CDC34: variants seen among roughly 807,000 people sequenced by gnomAD.
The protein encoded by CDC34 is cell division cycle 34, ubiquitin conjugating enzyme, also known as ubiquitin-conjugating enzyme E2 R1.
In CDC34, 18 loss-of-function variants were observed where a neutral mutation model predicts 26.8. The ratio of observed to expected loss-of-function variants is 0.67; its 90% confidence interval spans 0.47 to 1.00. The LOEUF (loss-of-function observed/expected upper bound fraction) is 1.00. Ranked by LOEUF, CDC34 falls within the 50% of genes least tolerant of loss-of-function variation. The pLI is 0.00. For synonymous variants in CDC34, 178 were observed against 147.5 expected (o/e 1.21, Z -1.50); for missense variants, 280 against 334.5 (o/e 0.84, Z 1.27).
At chr19:532,286 C>T (rs1043641764) in intron 1 of CDC34, among the ~76,000 whole-genome samples, 178 bp downstream of exon 1, 1 of 152,230 alleles carries the variant, frequency 6.6e-6, no homozygotes, top group Non-Finnish European at 1.5e-5. Context: ...CGGCCCCCTC[C>T]TCGGACCGTC....
At chr19:535,307 C>T (rs1359126795) in intron 1 of CDC34, among the ~76,000 whole-genome samples, 1 of 152,276 alleles carries the variant, frequency 6.6e-6, no homozygotes, top group Non-Finnish European at 1.5e-5. Context: ...GCCATACTGA[C>T]TCATCCCCTC....
At chr19:535,686 T>C in intron 1 of CDC34, 151 bp from the exon 2 acceptor site, 1 of 711,160 alleles carries the variant, frequency 1.4e-6, no homozygotes, top group Non-Finnish European at 2.5e-6. Flanking sequence ...ACCCCAGGCC[T>C]GTGAGAGTCC....
Position 541,711 on chromosome 19 carries a change from C to T in CDC34, c.*159C>T, listed in dbSNP as rs1980027189. 14 of 785,178 alleles carry T rather than the reference C, an allele frequency of 1.8e-5. No homozygotes were observed. The highest frequency in any genetic ancestry group is 4.8e-5 in the South Asian group (2 of 41,548). 48.6% of individuals were successfully genotyped at this position (785,178 alleles called of 1,614,324 possible). A position where few individuals can be genotyped will look rare whatever the true frequency, so the allele number is the denominator to read the frequency against. On this transcript the variant is annotated 3_prime_UTR_variant, in exon 5 of 5. Transcript: ENST00000215574. ...TCCCCATGTCTGTTCTGGGTTTTCA[C>T]GTGCTTCAGAGAAGAGGGGCTGCCC...
At chr19:533,967 C>A (rs958847863) in intron 1 of CDC34, among the ~76,000 whole-genome samples, 3 of 152,218 alleles carry the variant, frequency 2.0e-5, no homozygotes, top group Non-Finnish European at 2.9e-5. Context: ...AGCCCTGGGG[C>A]AGGGGCCGCC....
At chr19:532,466 C>T (rs1312457537) in intron 1 of CDC34, among the ~76,000 whole-genome samples, 1 of 152,208 alleles carries the variant, frequency 6.6e-6, no homozygotes, top group East Asian at 1.9e-4. Flanking sequence ...GGCTGGACCC[C>T]GGCTGCCTCC....
chr19:539,049 C>T, intron 4 of CDC34: 4 of 967,800 alleles, frequency 4.1e-6, no homozygotes, highest in Non-Finnish European at 4.9e-6. Flanking sequence ...CCCTGTGGGC[C>T]AACACACATG....
Position 535,839 on chromosome 19 carries a change from G to C in CDC34, c.180G>C (p.Ala60=), listed in dbSNP as rs16990554. ...NTYYEGGYFK[A]RLKFPIDYPY... ...CCACCTGCCTTCTGCCCCTGCAGGC[G>C]CGCCTCAAGTTCCCCATCGACTACC... is the stretch of plus-strand genomic sequence containing the variant. Residue 60 remains alanine (A), a splice_region_variant and synonymous_variant, in exon 2 of 5, where the codon GCG becomes GCC. Transcript: ENST00000215574. 6.2e-7 allele frequency: 1 copy of C among 1,613,370 alleles called. No homozygotes were observed. The highest frequency in any genetic ancestry group is 8.5e-7 in the Non-Finnish European group (1 of 1,179,708).
chr19:541,106 G>A, intron 4 of CDC34: 1 of 528,802 alleles, frequency 1.9e-6, no homozygotes, highest in Non-Finnish European at 3.3e-6. Flanking sequence ...GGGTGTGACT[G>A]CACTGCGCCC....
At chr19:541,223 C>A in intron 4 of CDC34, 116 bp from the exon 5 acceptor site, 2 of 1,333,422 alleles carry the variant, frequency 1.5e-6, no homozygotes, top group Non-Finnish European at 2.0e-6. Context: ...GGTCGCCACA[C>A]GCCGTTTTAA....
rs563053670 is a variant in CDC34, at chr19:540,864, A to G, written c.498-475A>G. Among the ~76,000 whole-genome samples the G allele has an allele frequency of 1.8e-3, 267 of 151,306 alleles. 1 individual carries two copies. Among genetic ancestry groups the G allele is most frequent in the South Asian group, 7.1e-3 (34 of 4,800 alleles). On this transcript the variant is annotated intron_variant, in intron 4 of 4. Transcript: ENST00000215574. Reference sequence around the variant, plus strand: ...CCGGGTTTAGAATCCTGCTGAGGCCACGGAGAGGCTCAGGCCGTTTTTGCG... The same window carrying G: ...CCGGGTTTAGAATCCTGCTGAGGCCGCGGAGAGGCTCAGGCCGTTTTTGCG...
Position 536,966 on chromosome 19 carries a change from G to A in CDC34, c.363-47G>A, listed in dbSNP as rs377498927. The A allele has an allele frequency of 2.2e-5, 35 of 1,611,708 alleles. No individual in the cohort carries two copies. The African/African-American group carries it at 4.0e-4, about 18-fold the overall frequency. On this transcript the variant is annotated intron_variant, in intron 3 of 4. Coordinates refer to ENST00000215574, the MANE Select transcript of CDC34 (RefSeq NM_004359.2). ...CCTCAGGGCCAGAGAAGAGCCGGAAGGCTGGGGTGCCCCGGGCCGCCCCAC... is the reference window on the plus strand; with the variant it reads ...CCTCAGGGCCAGAGAAGAGCCGGAAAGCTGGGGTGCCCCGGGCCGCCCCAC...
In CDC34 at chr19:537,651, C is replaced by CTTT. The variant is rs773623358; in HGVS notation, c.497+523_497+525dup. Reference sequence around the variant, plus strand: ...ACAGGCGTGAGCCACCGCGGCCGGCCTTTTTTTTTTTTTTTTTTTTTGGAG... The same window carrying CTTT: ...ACAGGCGTGAGCCACCGCGGCCGGCCTTTTTTTTTTTTTTTTTTTTTTTTGGAG... On this transcript the variant is annotated intron_variant, in intron 4 of 4. Coordinates refer to ENST00000215574, the MANE Select transcript of CDC34 (RefSeq NM_004359.2). 3.7e-3 allele frequency among the ~76,000 whole-genome samples: 250 copies of CTTT among 67,068 alleles called. 12 individuals are homozygous for CTTT. Among genetic ancestry groups the CTTT allele is most frequent in the East Asian group, 6.8e-3 (12 of 1,752 alleles). 44.0% of individuals were successfully genotyped at this position (67,068 alleles called of 152,430 possible).
chr19:536,402 A>T, intron 3 of CDC34, 62 bp downstream of exon 3: 1 of 1,272,830 alleles, frequency 7.9e-7, no homozygotes, highest in South Asian at 1.3e-5. Flanking sequence ...TCCGTCCCGT[A>T]TCCACCCAGA....
chr19:536,128 C>A, intron 2 of CDC34, 115 bp from the exon 3 acceptor site: 2 of 649,682 alleles, frequency 3.1e-6, no homozygotes, highest in East Asian at 6.0e-5. Context: ...TTCCGGGACC[C>A]GGGGCGCTGG....
At chr19:536,024 C>T in intron 2 of CDC34, 101 bp downstream of exon 2, 1 of 1,247,174 alleles carries the variant, frequency 8.0e-7, no homozygotes, top group Non-Finnish European at 1.2e-6. Context: ...CGCTGGGAGC[C>T]TCACGTCCTC....
intron 1 of CDC34, among the ~76,000 whole-genome samples, chr19:534,179 G>A (rs1979619451): frequency 6.6e-6 from 1 of 152,162 alleles, no homozygotes; most frequent in Non-Finnish European, 1.5e-5. Flanking sequence ...AGGCTTGGGG[G>A]GCCTGAAGTC....
At chr19:538,887 C>T in intron 4 of CDC34, 1 of 985,230 alleles carries the variant, frequency 1.0e-6, no homozygotes, top group Non-Finnish European at 1.2e-6. Flanking sequence ...CCCTCTGGTG[C>T]AGATGTCCTC....
intron 3 of CDC34, 42 bp downstream of exon 3, chr19:536,382 T>C: frequency 6.8e-7 from 1 of 1,461,870 alleles, no homozygotes; most frequent in South Asian, 1.2e-5. Flanking sequence ...GAACATCAGG[T>C]AGGCCGGGCT....
chr19:537,379 GTCTC>G (rs988146416), intron 4 of CDC34, among the ~76,000 whole-genome samples: 2 of 152,228 alleles, frequency 1.3e-5, no homozygotes, highest in African/African-American at 4.8e-5. Flanking sequence ...TTGAGACAGA[GTCTC>G]TCTCTGTCAC....
Sources: allele counts gnomAD v4.1 joint callset (sites outside exome capture counted in the v4.1 genomes callset), GRCh38; gene constraint gnomAD v4.1.1; transcripts MANE v1.5; gene names NCBI Gene and HGNC (gene_info 2026-07-23, HGNC 2026-07-21).